The following GLI2 variants were observed in gnomAD, a reference collection of about 807,000 sequenced individuals.
GLI2 encodes the protein transcription activator GLI2.
Under a neutral mutation model 78.9 loss-of-function variants are expected in GLI2, and 22 were observed. That is an observed-to-expected ratio of 0.28 (90% CI 0.20 to 0.40). The LOEUF is 0.40. Among genes scored for constraint, GLI2 ranks in the 10% least tolerant of loss-of-function variants. The pLI is 1.00. For missense variants in GLI2, 2,097 were observed against 2,213.2 expected, an observed-to-expected ratio of 0.95 and a Z score of 1.05; for synonymous variants, 974 against 963.7, an observed-to-expected ratio of 1.01 and a Z score of -0.20.
chr2:120,751,009 T>C (rs1178270085), intron 1 of GLI2, among the ~76,000 whole-genome samples: 1 of 152,218 alleles, frequency 6.6e-6, no homozygotes, highest in African/African-American at 2.4e-5. Context: ...GCCAGGATGG[T>C]GGCCCCCAAC....
intron 7 of GLI2, among the ~76,000 whole-genome samples, chr2:120,970,830 A>G (rs528737736): frequency 6.6e-6 from 1 of 152,240 alleles, no homozygotes. Flanking sequence ...TCCAAGAAGC[A>G]TAATAAGTAG....
At chr2:120,974,796 G>A (rs1395474788) in intron 8 of GLI2, 179 bp from the exon 9 acceptor site, 4 of 793,616 alleles carry the variant, frequency 5.0e-6, no homozygotes, top group Non-Finnish European at 6.6e-6. Context: ...GTGTGTGTGT[G>A]TGTGTGTCTG....
At chr2:120,939,727 A>C (rs973129232) in intron 3 of GLI2, among the ~76,000 whole-genome samples, 1 of 152,238 alleles carries the variant, frequency 6.6e-6, no homozygotes, top group African/African-American at 2.4e-5. Context: ...CTGCAGAAAC[A>C]CTTTTATACC....
intron 1 of GLI2, among the ~76,000 whole-genome samples, chr2:120,763,258 T>G (rs1336633536): frequency 6.6e-6 from 1 of 152,232 alleles, no homozygotes; most frequent in Non-Finnish European, 1.5e-5. Flanking sequence ...TCTGTGTGTT[T>G]TCTTGACCTA....
chr2:120,889,067 G>A (rs890867902), intron 2 of GLI2, among the ~76,000 whole-genome samples: 14 of 152,210 alleles, frequency 9.2e-5, no homozygotes, highest in African/African-American at 2.7e-4. Flanking sequence ...TGGGTTGGGC[G>A]CTGCAGGACC....
At chr2:120,854,665 G>A (rs1687563178) in intron 2 of GLI2, among the ~76,000 whole-genome samples, 1 of 152,234 alleles carries the variant, frequency 6.6e-6, no homozygotes, top group Admixed American at 6.5e-5. Context: ...TGAAGATGAG[G>A]AGAAACCAGA....
chr2:120,883,344 G>A (rs1015256354), intron 2 of GLI2, among the ~76,000 whole-genome samples: 13 of 152,058 alleles, frequency 8.5e-5, no homozygotes, highest in African/African-American at 2.2e-4. Context: ...AAAATTAGCC[G>A]AGCATGGTGG....
intron 9 of GLI2, 35 bp from the exon 10 acceptor site, chr2:120,978,399 C>T: frequency 1.9e-6 from 3 of 1,613,730 alleles, no homozygotes; most frequent in Non-Finnish European, 2.5e-6. Context: ...GCCTCTGGCC[C>T]TGCTTACCCT....
intron 2 of GLI2, among the ~76,000 whole-genome samples, chr2:120,923,384 C>A (rs1361718375): frequency 6.6e-6 from 1 of 151,976 alleles, no homozygotes; most frequent in East Asian, 1.9e-4. Context: ...ATACACACAG[C>A]AACACATGCA....
At chr2:120,864,025 C>T (rs1688017871) in intron 2 of GLI2, among the ~76,000 whole-genome samples, 1 of 152,138 alleles carries the variant, frequency 6.6e-6, no homozygotes, top group African/African-American at 2.4e-5. Flanking sequence ...GACAAATTCC[C>T]AAGGGCAGTC....
intron 3 of GLI2, among the ~76,000 whole-genome samples, chr2:120,935,234 T>G (rs4848130): frequency 6.6e-6 from 1 of 152,192 alleles, no homozygotes; most frequent in Non-Finnish European, 1.5e-5. Context: ...CAACTTGTCC[T>G]TCCTTTCCAC....
chr2:120,790,783 A>T (rs946903471), intron 1 of GLI2, among the ~76,000 whole-genome samples: 1 of 152,132 alleles, frequency 6.6e-6, no homozygotes, highest in Non-Finnish European at 1.5e-5. Flanking sequence ...AGTGATGGGA[A>T]GGTGGACAGA....
chr2:120,797,459 G>A lies in GLI2; in HGVS notation c.139G>A (p.Ala47Thr). The change falls in exon 2 of 14, where the codon GCC becomes ACC. Residue 47 changes from alanine to threonine, a missense_variant. Transcript: ENST00000361492. Reference protein sequence around the residue: ...VAAAAAAAVAAQGVPQHLLPP... With the variant: ...VAAAAAAAVATQGVPQHLLPP... Reference sequence around the variant, plus strand: ...TGCAGCGGCAGCAGCAGCGGTAGCTGCCCAAGGAGGTACTTTCTGTTTCGC... The same window carrying A: ...TGCAGCGGCAGCAGCAGCGGTAGCTACCCAAGGAGGTACTTTCTGTTTCGC... 4.3e-6 allele frequency: 7 copies of A among 1,613,906 alleles called. No individual in the cohort carries two copies. Among genetic ancestry groups the A allele is most frequent in the Non-Finnish European group, 5.9e-6 (7 of 1,179,838 alleles).
At chr2:120,796,444 A>G (rs1573388095) in intron 1 of GLI2, among the ~76,000 whole-genome samples, 1 of 151,944 alleles carries the variant, frequency 6.6e-6, no homozygotes, top group African/African-American at 2.4e-5. Context: ...CCTGCTCAAG[A>G]CCCTCTGATG....
At chr2:120,739,586 C>G (rs1227015136) in intron 1 of GLI2, among the ~76,000 whole-genome samples, 1 of 152,208 alleles carries the variant, frequency 6.6e-6, no homozygotes, top group Non-Finnish European at 1.5e-5. Flanking sequence ...GGGGTTCTAC[C>G]TGGGCCAGAG....
intron 1 of GLI2, among the ~76,000 whole-genome samples, chr2:120,765,356 G>T (rs1573355909): frequency 6.6e-6 from 1 of 152,248 alleles, no homozygotes; most frequent in East Asian, 1.9e-4. Flanking sequence ...TGACTTTGGT[G>T]GTGGCCTCTT....
chr2:120,795,142 A>G (rs1684328312), intron 1 of GLI2, among the ~76,000 whole-genome samples: 1 of 152,202 alleles, frequency 6.6e-6, no homozygotes, highest in Non-Finnish European at 1.5e-5. Flanking sequence ...GGATCCCTTG[A>G]GCCCAGGAGT....
At chr2:120,771,313 G>A (rs764837538) in intron 1 of GLI2, among the ~76,000 whole-genome samples, 2 of 152,240 alleles carry the variant, frequency 1.3e-5, no homozygotes, top group South Asian at 2.1e-4. Context: ...AGGAATGAGA[G>A]CTATGCTGTG....
At chr2:120,943,843 A>G (rs925048962) in intron 3 of GLI2, among the ~76,000 whole-genome samples, 1 of 152,138 alleles carries the variant, frequency 6.6e-6, no homozygotes, top group African/African-American at 2.4e-5. Flanking sequence ...CACATTGTTC[A>G]GCTTCTCCAA....
Sources: allele counts gnomAD v4.1 joint callset (sites outside exome capture counted in the v4.1 genomes callset), GRCh38; gene constraint gnomAD v4.1.1; transcripts MANE v1.5; gene names NCBI Gene and HGNC (gene_info 2026-07-23, HGNC 2026-07-21).